Variants in ANKRD44 observed in about 807,000 individuals in gnomAD.
ANKRD44 encodes the protein ankyrin repeat domain 44.
Under a neutral mutation model 116.0 loss-of-function variants are expected in ANKRD44, and 35 were observed. The ratio of observed to expected loss-of-function variants is 0.30; its 90% CI spans 0.23 to 0.40. ANKRD44 has a LOEUF of 0.40. Among genes scored for constraint, ANKRD44 ranks in the 10% least tolerant of loss-of-function variants. The probability of loss-of-function intolerance (pLI) is 1.00; values close to 1 mark genes in which losing one functional copy is unlikely to be tolerated. For missense variants in ANKRD44, 1,014 were observed against 1,242.6 expected (o/e 0.82, Z 2.77); for synonymous variants, 435 against 461.8 (o/e 0.94, Z 0.74).
rs150384307 is a variant in ANKRD44 at position 197,029,760 on chromosome 2, A to T, written c.1651-4493T>A. 390 of 281,092 alleles carry T rather than the reference A, an allele frequency of 1.4e-3. 2 individuals carry two copies. The highest frequency in any genetic ancestry group is 8.0e-3 in the African/African-American group (346 of 43,018). 17.4% of individuals were successfully genotyped at this position (281,092 alleles called of 1,614,324 possible). ...GAGAGGCATAGATCTTTTTGATATCACTCCAGGTTTTAAGTTTCTTATGCA... is the reference window on the plus strand; with the variant it reads ...GAGAGGCATAGATCTTTTTGATATCTCTCCAGGTTTTAAGTTTCTTATGCA... On this transcript the variant is annotated intron_variant, in intron 16 of 27. Transcript: ENST00000282272.
intron 16 of ANKRD44, among the ~76,000 whole-genome samples, chr2:197,069,996 T>G (rs538350092): frequency 1.3e-5 from 2 of 152,252 alleles, no homozygotes; most frequent in South Asian, 2.1e-4. Context: ...AGCAATTTTT[T>G]GGGGCAGTTG....
chr2:197,145,677 A>G (rs2079482756), intron 3 of ANKRD44, among the ~76,000 whole-genome samples: 1 of 152,208 alleles, frequency 6.6e-6, no homozygotes, highest in South Asian at 2.1e-4. Flanking sequence ...AACCCACCTC[A>G]AGAACATGAA....
chr2:197,097,299 T>C (rs2078182325), intron 10 of ANKRD44, among the ~76,000 whole-genome samples: 1 of 152,102 alleles, frequency 6.6e-6, no homozygotes, highest in South Asian at 2.1e-4. Flanking sequence ...AACCCAAAGC[T>C]GAAAAAAAAT....
At chr2:197,142,100 A>G (rs764310149) in intron 3 of ANKRD44, among the ~76,000 whole-genome samples, 6 of 152,238 alleles carry the variant, frequency 3.9e-5, no homozygotes, top group Non-Finnish European at 8.8e-5. Context: ...CAAAGGCCCA[A>G]TCCATCAGAC....
chr2:197,241,355 T>G (rs1341929016), intron 1 of ANKRD44, among the ~76,000 whole-genome samples: 5 of 152,200 alleles, frequency 3.3e-5, no homozygotes, highest in Non-Finnish European at 7.3e-5. Context: ...TCAGAGCCTT[T>G]AATACTGCCA....
At chr2:197,070,308 T>G (rs1448982679) in intron 16 of ANKRD44, among the ~76,000 whole-genome samples, 1 of 152,200 alleles carries the variant, frequency 6.6e-6, no homozygotes, top group Non-Finnish European at 1.5e-5. Flanking sequence ...AAGACATCCT[T>G]GACTTAGTCT....
At chr2:197,254,598 TACACACACACACAC>T (rs3057783) in intron 1 of ANKRD44, among the ~76,000 whole-genome samples, 36 of 148,148 alleles carry the variant, frequency 2.4e-4, no homozygotes, top group African/African-American at 4.8e-4. Context: ...CATACATGCA[TACACACACACACAC>T]ACACACACAC....
intron 1 of ANKRD44, among the ~76,000 whole-genome samples, chr2:197,204,555 A>G (rs963937012): frequency 6.6e-6 from 1 of 152,110 alleles, no homozygotes; most frequent in Non-Finnish European, 1.5e-5. Context: ...CAATCTGGAG[A>G]ATTTATGTCC....
chr2:197,153,844 TAAGA>T (rs2079728492), intron 2 of ANKRD44, among the ~76,000 whole-genome samples: 2 of 152,090 alleles, frequency 1.3e-5, no homozygotes, highest in African/African-American at 4.8e-5. Flanking sequence ...TTTGTGTGTA[TAAGA>T]GAGAAAGGTG....
intron 21 of ANKRD44, among the ~76,000 whole-genome samples, chr2:196,972,540 G>C (rs1322843343): frequency 1.3e-5 from 2 of 152,154 alleles, no homozygotes; most frequent in Non-Finnish European, 2.9e-5. Flanking sequence ...CTTGCAGGTT[G>C]TCATGAAGGG....
chr2:197,026,612 T>A (rs540851341), intron 16 of ANKRD44, among the ~76,000 whole-genome samples: 1 of 152,276 alleles, frequency 6.6e-6, no homozygotes, highest in South Asian at 2.1e-4. Context: ...GGGGTGGGCA[T>A]GTCAAAGAAA....
chr2:196,968,884 C>T (rs1025825970), intron 21 of ANKRD44, among the ~76,000 whole-genome samples: 11 of 152,214 alleles, frequency 7.2e-5, no homozygotes, highest in Non-Finnish European at 2.9e-5. Context: ...GCAGTCCTCT[C>T]ATCTGCTGGC....
intron 21 of ANKRD44, among the ~76,000 whole-genome samples, chr2:196,981,228 C>T (rs2075799354): frequency 6.6e-6 from 1 of 152,144 alleles, no homozygotes; most frequent in South Asian, 2.1e-4. Context: ...CACTTTCTTC[C>T]TTACCCAGTT....
intron 1 of ANKRD44, among the ~76,000 whole-genome samples, chr2:197,297,095 T>A (rs1338037202): frequency 6.6e-6 from 1 of 152,218 alleles, no homozygotes; most frequent in South Asian, 2.1e-4. Context: ...AAATAAAAAA[T>A]GACTGCAAAC....
chr2:197,163,856 G>C (rs1473476786), intron 2 of ANKRD44, among the ~76,000 whole-genome samples: 1 of 152,166 alleles, frequency 6.6e-6, no homozygotes, highest in South Asian at 2.1e-4. Context: ...TGGAACTCCT[G>C]ACTTCAGGTA....
chr2:197,180,573 C>G (rs2080478701), intron 2 of ANKRD44, among the ~76,000 whole-genome samples: 1 of 152,090 alleles, frequency 6.6e-6, no homozygotes, highest in Non-Finnish European at 1.5e-5. Context: ...GGCAAAACAT[C>G]TCAGTCCTTC....
chr2:197,051,953 T>A (rs1328986732), intron 16 of ANKRD44, among the ~76,000 whole-genome samples: 2 of 152,182 alleles, frequency 1.3e-5, no homozygotes, highest in Non-Finnish European at 2.9e-5. Flanking sequence ...AAATCCTGCT[T>A]TAAGGAAATA....
chr2:197,113,543 T>A (rs1483035408), intron 8 of ANKRD44, among the ~76,000 whole-genome samples: 1 of 152,226 alleles, frequency 6.6e-6, no homozygotes, highest in Non-Finnish European at 1.5e-5. Context: ...CTAAGCAATT[T>A]TCCATGTCTA....
At chr2:197,128,705 C>G (rs1018818215) in intron 4 of ANKRD44, among the ~76,000 whole-genome samples, 3 of 152,178 alleles carry the variant, frequency 2.0e-5, no homozygotes, top group Non-Finnish European at 4.4e-5. Context: ...ATCATGAAAT[C>G]TTTGCCCATG....
Sources: allele counts gnomAD v4.1 joint callset (sites outside exome capture counted in the v4.1 genomes callset), GRCh38; gene constraint gnomAD v4.1.1; transcripts MANE v1.5; gene names NCBI Gene and HGNC (gene_info 2026-07-23, HGNC 2026-07-21).